The following FSTL5 variants were observed in gnomAD, a reference collection of about 807,000 sequenced individuals.
FSTL5 encodes follistatin-related protein 5.
In FSTL5, 62 loss-of-function variants were observed where a neutral mutation model predicts 89.1. That is an observed-to-expected ratio of 0.70 (90% CI 0.57 to 0.86). FSTL5 has a LOEUF of 0.86. Among genes scored for constraint, FSTL5 ranks in the 40% least tolerant of loss-of-function variants. FSTL5 has a pLI of 0.00. For synonymous variants in FSTL5, 383 were observed against 346.2 expected, an observed-to-expected ratio of 1.11 and a Z score of -1.18; for missense variants, 1,057 against 1,001.6, an observed-to-expected ratio of 1.06 and a Z score of -0.75.
intron 7 of FSTL5, among the ~76,000 whole-genome samples, chr4:161,650,335 A>G (rs1172888596): frequency 6.6e-6 from 1 of 152,228 alleles, no homozygotes; most frequent in Non-Finnish European, 1.5e-5. Flanking sequence ...AAAGTGCCAA[A>G]CTTACCAAAT....
chr4:162,110,553 T>C (rs1425205569), intron 2 of FSTL5, among the ~76,000 whole-genome samples: 1 of 151,880 alleles, frequency 6.6e-6, no homozygotes, highest in South Asian at 2.1e-4. Context: ...AATTAGTATG[T>C]TATTTTTGAT....
intron 5 of FSTL5, among the ~76,000 whole-genome samples, chr4:161,766,442 T>G (rs1741000929): frequency 6.6e-6 from 1 of 152,102 alleles, no homozygotes. Context: ...TAAGTAACAC[T>G]CTGGACAAAA....
At chr4:161,672,889 CTAAA>C (rs1436913086) in intron 6 of FSTL5, among the ~76,000 whole-genome samples, 1 of 151,922 alleles carries the variant, frequency 6.6e-6, no homozygotes. Flanking sequence ...TTTAATTACT[CTAAA>C]TATGTACTTC....
At chr4:162,150,285 T>G (rs976734483) in intron 1 of FSTL5, among the ~76,000 whole-genome samples, 1 of 152,128 alleles carries the variant, frequency 6.6e-6, no homozygotes, top group Non-Finnish European at 1.5e-5. Flanking sequence ...ACAGAGATCA[T>G]TGGAGCCTTT....
intron 4 of FSTL5, among the ~76,000 whole-genome samples, chr4:161,827,517 A>G (rs1730703387): frequency 6.6e-6 from 1 of 152,196 alleles, no homozygotes; most frequent in African/African-American, 2.4e-5. Context: ...AGAGCTCCCA[A>G]GAGAACACGC....
intron 8 of FSTL5, among the ~76,000 whole-genome samples, chr4:161,562,521 A>C (rs1732641748): frequency 6.6e-6 from 1 of 152,030 alleles, no homozygotes; most frequent in African/African-American, 2.4e-5. Flanking sequence ...TATAATTTAT[A>C]ATTTGGCTTT....
At chr4:161,994,814 T>C (rs1251062814) in intron 3 of FSTL5, among the ~76,000 whole-genome samples, 1 of 152,224 alleles carries the variant, frequency 6.6e-6, no homozygotes, top group African/African-American at 2.4e-5. Context: ...CAAAAGTTTT[T>C]CTCCCATTCT....
intron 4 of FSTL5, among the ~76,000 whole-genome samples, chr4:161,781,991 G>C (rs1374517086): frequency 6.6e-6 from 1 of 152,038 alleles, no homozygotes; most frequent in Non-Finnish European, 1.5e-5. Flanking sequence ...GAATCATACA[G>C]CATGTAGATT....
At chr4:161,492,528 T>A (rs1729917685) in intron 12 of FSTL5, among the ~76,000 whole-genome samples, 1 of 152,172 alleles carries the variant, frequency 6.6e-6, no homozygotes, top group African/African-American at 2.4e-5. Flanking sequence ...TTAATTCTAT[T>A]GTTTTCTAAA....
chr4:161,834,296 G>A lies in FSTL5; in HGVS notation c.410-58222C>T, dbSNP rs1319856379. 9.9e-5 allele frequency among the ~76,000 whole-genome samples: 15 copies of A among 151,996 alleles called. No individual in the cohort carries two copies. The South Asian group carries it at 1.0e-3, about 10-fold the overall frequency. ...TCAATAAATTAGGTATTGATGGGAC[G>A]TATCTCAAAATAACAAGAGTTATCT... On this transcript the variant is annotated intron_variant, in intron 4 of 15. Transcript: ENST00000306100.
intron 3 of FSTL5, among the ~76,000 whole-genome samples, chr4:162,004,010 G>A (rs533868806): frequency 6.6e-6 from 1 of 152,282 alleles, no homozygotes; most frequent in African/African-American, 2.4e-5. Context: ...TCAGAAAAAT[G>A]TTGTTTTCAT....
intron 7 of FSTL5, among the ~76,000 whole-genome samples, chr4:161,602,587 T>C (rs1014963823): frequency 6.6e-6 from 1 of 152,116 alleles, no homozygotes; most frequent in Non-Finnish European, 1.5e-5. Context: ...GCCAGAAATG[T>C]ATTTATACTA....
intron 8 of FSTL5, among the ~76,000 whole-genome samples, chr4:161,546,536 T>C (rs555355725): frequency 6.6e-6 from 1 of 151,508 alleles, no homozygotes; most frequent in South Asian, 2.1e-4. Context: ...AAAGTCAGAA[T>C]GAGAGCTAAA....
At chr4:161,913,396 C>G (rs1733752688) in intron 4 of FSTL5, among the ~76,000 whole-genome samples, 1 of 152,122 alleles carries the variant, frequency 6.6e-6, no homozygotes, top group South Asian at 2.1e-4. Context: ...GTCACTCCAG[C>G]CATGGCTGAA....
chr4:161,468,097 G>C (rs573374557), intron 13 of FSTL5, among the ~76,000 whole-genome samples: 1 of 152,058 alleles, frequency 6.6e-6, no homozygotes, highest in South Asian at 2.1e-4. Context: ...TTTCTAGCAA[G>C]GTATTTAATA....
At chr4:161,455,221 G>C in intron 14 of FSTL5, 93 bp from the exon 15 acceptor site, 1 of 1,006,646 alleles carries the variant, frequency 9.9e-7, no homozygotes, top group African/African-American at 1.7e-5. Flanking sequence ...AATGTTTCTG[G>C]CAGTTGTTTG....
intron 12 of FSTL5, among the ~76,000 whole-genome samples, chr4:161,483,641 C>T (rs1224767768): frequency 6.6e-6 from 1 of 152,094 alleles, no homozygotes; most frequent in East Asian, 1.9e-4. Context: ...TATTATTTCT[C>T]ACTTTACAAT....
At chr4:161,832,242 C>A (rs190901890) in intron 4 of FSTL5, among the ~76,000 whole-genome samples, 3 of 152,040 alleles carry the variant, frequency 2.0e-5, no homozygotes, top group African/African-American at 7.2e-5. Context: ...CTGAACCAAA[C>A]GAATGAGCTG....
At chr4:161,682,620 T>C (rs1404676932) in intron 6 of FSTL5, among the ~76,000 whole-genome samples, 1 of 151,954 alleles carries the variant, frequency 6.6e-6, no homozygotes, top group Non-Finnish European at 1.5e-5. Context: ...CCCACCTCCA[T>C]GTTCACATCT....
Sources: allele counts gnomAD v4.1 joint callset (sites outside exome capture counted in the v4.1 genomes callset), GRCh38; gene constraint gnomAD v4.1.1; transcripts MANE v1.5; gene names NCBI Gene and HGNC (gene_info 2026-07-23, HGNC 2026-07-21).